TMEM135: variants seen among roughly 807,000 people sequenced by gnomAD.
TMEM135 encodes the protein peroxisomal membrane protein 52.
In TMEM135, 30 loss-of-function variants were observed where a neutral mutation model predicts 60.3. That is an observed-to-expected ratio of 0.50 (90% CI 0.37 to 0.68). The LOEUF (loss-of-function observed/expected upper bound fraction) is 0.68, where lower values mean the gene tolerates loss of function less well. Ranked by LOEUF, TMEM135 falls within the 30% of genes least tolerant of loss-of-function variation. The pLI is 0.00. For synonymous variants in TMEM135, 190 were observed against 186.7 expected (o/e 1.02, Z -0.14); for missense variants, 468 against 548.8 (o/e 0.85, Z 1.47).
chr11:87,199,900 A>G (rs1284542175), intron 5 of TMEM135, among the ~76,000 whole-genome samples: 1 of 152,218 alleles, frequency 6.6e-6, no homozygotes, highest in Admixed American at 6.5e-5. Context: ...ACTGCACTCC[A>G]GCCTGAGCGA....
intron 5 of TMEM135, among the ~76,000 whole-genome samples, chr11:87,182,590 A>G (rs967865152): frequency 1.3e-5 from 2 of 152,132 alleles, no homozygotes; most frequent in Non-Finnish European, 2.9e-5. Context: ...TATTAAAACA[A>G]TTGACCTTAA....
chr11:87,115,405 G>A (rs1313460446), intron 4 of TMEM135, among the ~76,000 whole-genome samples: 2 of 152,018 alleles, frequency 1.3e-5, no homozygotes, highest in Non-Finnish European at 2.9e-5. Context: ...TTTTAAAAAA[G>A]TAAAATAAAG....
intron 5 of TMEM135, among the ~76,000 whole-genome samples, chr11:87,220,864 A>G (rs1292754035): frequency 1.3e-5 from 2 of 152,204 alleles, no homozygotes; most frequent in Non-Finnish European, 1.5e-5. Context: ...TTAATAACCT[A>G]CATTTTCAAG....
intron 5 of TMEM135, among the ~76,000 whole-genome samples, chr11:87,188,533 CT>C (rs201970757): frequency 6.8e-6 from 1 of 147,462 alleles, no homozygotes; most frequent in Non-Finnish European, 1.5e-5. Flanking sequence ...GAAACCCCCC[CT>C]CTCCACTAAA....
chr11:87,315,354 G>T (rs1942710278), intron 12 of TMEM135, among the ~76,000 whole-genome samples: 1 of 151,862 alleles, frequency 6.6e-6, no homozygotes, highest in South Asian at 2.1e-4. Context: ...GCAAATTCAG[G>T]TTTAAATTTT....
intron 5 of TMEM135, among the ~76,000 whole-genome samples, chr11:87,158,609 C>T (rs1316186066): frequency 1.3e-5 from 2 of 149,686 alleles, no homozygotes; most frequent in African/African-American, 4.9e-5. Flanking sequence ...CTACAGGTGC[C>T]CGCCACAACG....
chr11:87,178,521 GTTCAAGGGA>G (rs1482232811), intron 5 of TMEM135: 1 of 456,080 alleles, frequency 2.2e-6, no homozygotes, highest in South Asian at 1.5e-5. Flanking sequence ...TGCCTCCCAG[GTTCAAGGGA>G]TTCTCCTGCC....
intron 5 of TMEM135, among the ~76,000 whole-genome samples, chr11:87,206,444 T>C (rs1199154372): frequency 6.6e-6 from 1 of 152,120 alleles, no homozygotes; most frequent in East Asian, 1.9e-4. Flanking sequence ...AATGTTGTTT[T>C]TTTCCTCCTA....
At chr11:87,061,040 C>G (rs1949941836) in intron 1 of TMEM135, among the ~76,000 whole-genome samples, 1 of 151,960 alleles carries the variant, frequency 6.6e-6, no homozygotes, top group Non-Finnish European at 1.5e-5. Context: ...AGCATCTAAA[C>G]AAGGATTTTT....
chr11:87,062,763 A>G (rs1949962961), intron 1 of TMEM135, among the ~76,000 whole-genome samples: 1 of 152,200 alleles, frequency 6.6e-6, no homozygotes, highest in African/African-American at 2.4e-5. Context: ...CACTCGGCCC[A>G]TTTATTTTTA....
chr11:87,294,445 G>C (rs775571456), intron 6 of TMEM135, among the ~76,000 whole-genome samples: 17 of 152,262 alleles, frequency 1.1e-4, no homozygotes, highest in Non-Finnish European at 2.9e-5. Flanking sequence ...GAGCAATGGC[G>C]CAATCTTGGC....
intron 4 of TMEM135, among the ~76,000 whole-genome samples, chr11:87,151,044 G>C (rs1032428137): frequency 3.3e-5 from 5 of 152,060 alleles, no homozygotes; most frequent in Non-Finnish European, 7.4e-5. Flanking sequence ...CTAGTTGCAA[G>C]TATTGCTGTT....
chr11:87,204,964 C>T (rs1940203239), intron 5 of TMEM135, among the ~76,000 whole-genome samples: 1 of 152,106 alleles, frequency 6.6e-6, no homozygotes, highest in Non-Finnish European at 1.5e-5. Flanking sequence ...TCTGCTTTAC[C>T]TTCTCCATGA....
At chr11:87,116,232 T>C (rs1450293055) in intron 4 of TMEM135, among the ~76,000 whole-genome samples, 1 of 152,176 alleles carries the variant, frequency 6.6e-6, no homozygotes, top group Admixed American at 6.5e-5. Flanking sequence ...GATCTGGAAT[T>C]GACAATTTAT....
chr11:87,203,823 C>T, intron 5 of TMEM135, among the ~76,000 whole-genome samples: 1 of 152,164 alleles, frequency 6.6e-6, no homozygotes, highest in East Asian at 1.9e-4. Context: ...GTATTTCCAT[C>T]AGCAATGAAT....
Position 87,323,244 on chromosome 11 carries a change from T to G in TMEM135, c.*1911T>G. On this transcript the variant is annotated 3_prime_UTR_variant, in exon 15 of 15. Transcript: ENST00000305494. ...TTTCATTTTTATAAATTGCAGTCAT[T>G]TTTTTAAATTTTATGTAAAATGTAA... The G allele has an allele frequency of 2.2e-6, 1 of 453,678 alleles. No individual in the cohort carries two copies. The highest frequency in any genetic ancestry group is 1.6e-5 in the South Asian group (1 of 64,358). 28.1% of individuals were successfully genotyped at this position (453,678 alleles called of 1,614,324 possible).
intron 6 of TMEM135, among the ~76,000 whole-genome samples, chr11:87,263,519 T>G (rs1289033564): frequency 6.6e-6 from 1 of 152,140 alleles, no homozygotes; most frequent in Non-Finnish European, 1.5e-5. Context: ...ATTTGACATA[T>G]GTCTTGATTC....
rs1396502078 is a variant in TMEM135 at position 87,327,299 on chromosome 11, A to G, written c.*5966A>G. The stretch of plus-strand genomic sequence containing the variant: ...ATTAGTATTAGTCAGTAGGGTCTGA[A>G]TCTGTGGCAGCAATCTTGCAGACAT... On this transcript the variant is annotated 3_prime_UTR_variant, in exon 15 of 15. Transcript: ENST00000305494. 1 of 454,060 alleles carries G rather than the reference A, an allele frequency of 2.2e-6. No individual in the cohort carries two copies. The highest frequency in any genetic ancestry group is 4.4e-6 in the Non-Finnish European group (1 of 226,778). The allele number at this position is 454,060 out of a possible 1,614,324, so 28.1% of individuals were successfully genotyped here.
At chr11:87,204,159 G>A (rs1940183042) in intron 5 of TMEM135, among the ~76,000 whole-genome samples, 1 of 147,362 alleles carries the variant, frequency 6.8e-6, no homozygotes, top group African/African-American at 2.5e-5. Flanking sequence ...CATTGATTTT[G>A]TTTGTTTTTT....
Sources: allele counts gnomAD v4.1 joint callset (sites outside exome capture counted in the v4.1 genomes callset), GRCh38; gene constraint gnomAD v4.1.1; transcripts MANE v1.5; gene names NCBI Gene and HGNC (gene_info 2026-07-23, HGNC 2026-07-21).